NLRP8: variants seen among roughly 807,000 people sequenced by gnomAD.
NLRP8 encodes the protein NACHT, LRR and PYD domains-containing protein 8.
Under a neutral mutation model 88.7 loss-of-function variants are expected in NLRP8, and 86 were observed. That is an observed-to-expected ratio of 0.97 (90% confidence interval 0.81 to 1.16). The LOEUF is 1.16. Among genes scored for constraint, NLRP8 ranks in the 50% most tolerant of loss-of-function variants. The pLI is 0.00. For synonymous variants in NLRP8, 504 were observed against 494.6 expected (o/e 1.02, Z -0.25); for missense variants, 1,342 against 1,286.5 (o/e 1.04, Z -0.66).
intron 5 of NLRP8, among the ~76,000 whole-genome samples, chr19:55,968,352 T>G (rs1289902822): frequency 6.6e-6 from 1 of 151,982 alleles, no homozygotes; most frequent in Non-Finnish European, 1.5e-5. Flanking sequence ...GGCAGGAGAA[T>G]TGCTTGAACC....
At chr19:55,982,840 G>C (rs555131921) in intron 9 of NLRP8, among the ~76,000 whole-genome samples, 114 of 152,232 alleles carry the variant, frequency 7.5e-4, no homozygotes, top group African/African-American at 2.6e-3. Context: ...CAGCTATTTG[G>C]GGGGCTGAAG....
At position 55,970,641 on chromosome 19, in the gene NLRP8, T is replaced by A; in HGVS notation, c.2479T>A (p.Ser827Thr). Residue 827 changes from serine (S) to threonine (T), a missense_variant, in exon 6 of 10, where the codon TCC (serine) becomes ACC (threonine). Ser to Thr is a moderately conservative substitution (Grantham distance 58). Coordinates refer to ENST00000291971, the MANE Select transcript of NLRP8 (RefSeq NM_176811.2). ...AAAGACTCTCATACTAAGAAAAAAC[T>A]CCCTGGAGAACTGTGGGGCGTATTA... The A allele has an allele frequency of 6.2e-7, 1 of 1,613,994 alleles. No homozygotes were observed. Among genetic ancestry groups the A allele is most frequent in the Non-Finnish European group, 8.5e-7 (1 of 1,179,992 alleles).
chr19:55,987,017 A>C (rs1980876668), intron 9 of NLRP8, among the ~76,000 whole-genome samples: 1 of 152,138 alleles, frequency 6.6e-6, no homozygotes, highest in African/African-American at 2.4e-5. Flanking sequence ...CTAAAACCTC[A>C]TATTTACTTG....
Position 55,984,656 on chromosome 19 carries a change from A to G in NLRP8, c.3048-3158A>G, listed in dbSNP as rs78509487. Among the ~76,000 whole-genome samples, 193 of 116,280 alleles carry G rather than the reference A, an allele frequency of 1.7e-3. 1 individual carries two copies. Among genetic ancestry groups the G allele is most frequent in the South Asian group, 4.3e-3 (16 of 3,744 alleles). The allele number at this position is 116,280 out of a possible 152,430, so 76.3% of individuals were successfully genotyped here. ...GCAACAAAAGCAAAACACTGTCTCCAAAAAAAAAAAAAAAAAAACAACAGT... is the reference window on the plus strand; with the variant it reads ...GCAACAAAAGCAAAACACTGTCTCCGAAAAAAAAAAAAAAAAAACAACAGT... On this transcript the variant is annotated intron_variant, in intron 9 of 9. Coordinates refer to ENST00000291971, the MANE Select transcript of NLRP8 (RefSeq NM_176811.2).
At position 55,955,123 on chromosome 19, in the gene NLRP8, G is replaced by C; in HGVS notation, c.1065G>C (p.Pro355=). ...AATGTCCCTCTCTCGTAACCCTTCC[G>C]GGGTTTAATACGATGGAAAAAATCA... The change falls in exon 3 of 10, where the codon CCG becomes CCC. Residue 355 remains proline, a synonymous_variant. Coordinates refer to ENST00000291971, the MANE Select transcript of NLRP8 (RefSeq NM_176811.2). The C allele has an allele frequency of 6.2e-7, 1 of 1,614,014 alleles. No individual in the cohort carries two copies. The highest frequency in any genetic ancestry group is 1.1e-5 in the South Asian group (1 of 91,064).
chr19:55,955,102 T>C lies in NLRP8; in HGVS notation c.1044T>C (p.Cys348=), dbSNP rs1429249262. ...AGACATGCAAGCCCTTGCTGAAATG[T>C]CCCTCTCTCGTAACCCTTCCGGGGT... Residue 348 remains cysteine, a synonymous_variant, in exon 3 of 10, where the codon TGT becomes TGC. Transcript: ENST00000291971. 6.2e-7 allele frequency: 1 copy of C among 1,614,000 alleles called. No individual in the cohort carries two copies. The highest frequency in any genetic ancestry group is 1.3e-5 in the African/African-American group (1 of 74,916).
intron 5 of NLRP8, 39 bp from the exon 6 acceptor site, chr19:55,970,505 C>A: frequency 6.2e-7 from 1 of 1,608,570 alleles, no homozygotes; most frequent in South Asian, 1.1e-5. Context: ...ACCATTTTCC[C>A]CAGAACCATG....
chr19:55,983,321 G>T (rs537963863), intron 9 of NLRP8, among the ~76,000 whole-genome samples: 3 of 151,610 alleles, frequency 2.0e-5, no homozygotes, highest in Non-Finnish European at 4.4e-5. Context: ...AAAATTAGCC[G>T]GGCGTGGTGG....
At chr19:55,953,190 G>C (rs766427923) in intron 2 of NLRP8, among the ~76,000 whole-genome samples, 1 of 152,070 alleles carries the variant, frequency 6.6e-6, no homozygotes, top group Non-Finnish European at 1.5e-5. Context: ...GTGCATGCGA[G>C]GGATCTAGGC....
At chr19:55,974,502 A>G (rs1334682769) in intron 7 of NLRP8, among the ~76,000 whole-genome samples, 1 of 151,918 alleles carries the variant, frequency 6.6e-6, no homozygotes, top group East Asian at 1.9e-4. Flanking sequence ...TAATCCCAGC[A>G]CTTTGGGAGT....
At chr19:55,983,232 G>C (rs1307591128) in intron 9 of NLRP8, among the ~76,000 whole-genome samples, 1 of 152,110 alleles carries the variant, frequency 6.6e-6, no homozygotes, top group Non-Finnish European at 1.5e-5. Context: ...GGGAAGCTGA[G>C]GCAGGTGGAT....
intron 1 of NLRP8, among the ~76,000 whole-genome samples, chr19:55,950,058 G>A (rs1192845624): frequency 6.6e-6 from 1 of 152,030 alleles, no homozygotes; most frequent in Non-Finnish European, 1.5e-5. Context: ...GTGACCCAGT[G>A]GTAGAGAAAA....
chr19:55,986,271 A>AAC (rs1016490683), intron 9 of NLRP8, among the ~76,000 whole-genome samples: 4 of 151,338 alleles, frequency 2.6e-5, no homozygotes, highest in African/African-American at 9.7e-5. Flanking sequence ...AAGGGCACCC[A>AAC]ACACACACTC....
At chr19:55,985,664 C>A (rs953643061) in intron 9 of NLRP8, among the ~76,000 whole-genome samples, 5 of 152,134 alleles carry the variant, frequency 3.3e-5, no homozygotes, top group African/African-American at 1.2e-4. Flanking sequence ...CCTTCATGAC[C>A]TAAGGAGAGA....
intron 8 of NLRP8, among the ~76,000 whole-genome samples, chr19:55,979,170 T>C (rs1980468430): frequency 6.6e-6 from 1 of 152,212 alleles, no homozygotes; most frequent in South Asian, 2.1e-4. Context: ...TCGAAAGATA[T>C]ACTTGGCTCA....
chr19:55,957,201 G>A (rs80071203), intron 3 of NLRP8, among the ~76,000 whole-genome samples: 17,569 of 152,202 alleles, frequency 0.12, 1,194 homozygotes, highest in South Asian at 0.18. Flanking sequence ...CAATACAGGA[G>A]CCACTGGCCA....
chr19:55,969,798 G>A (rs147891658), intron 5 of NLRP8, among the ~76,000 whole-genome samples: 7 of 152,202 alleles, frequency 4.6e-5, no homozygotes, highest in Non-Finnish European at 7.4e-5. Context: ...GATAATCTCC[G>A]CATTTCATTA....
chr19:55,964,090 C>T (rs972191451), intron 4 of NLRP8, among the ~76,000 whole-genome samples: 1 of 152,166 alleles, frequency 6.6e-6, no homozygotes, highest in African/African-American at 2.4e-5. Context: ...TTTTTAAGAT[C>T]CAAAAACCCG....
chr19:55,957,671 AATTATATATATATATATATAT>A lies in NLRP8; in HGVS notation c.2042+1574_2042+1594del, dbSNP rs1174677939. On this transcript the variant is annotated intron_variant, in intron 3 of 9. Coordinates refer to ENST00000291971, the MANE Select transcript of NLRP8 (RefSeq NM_176811.2). ...ACTATCTTAAAAAAGAAAAAATAAT[AATTATATATATATATATATAT>A]ATATATATATATATATATATATATA... Among the ~76,000 whole-genome samples, 50 of 55,362 alleles carry A rather than the reference AATTATATATATATATATATAT, an allele frequency of 9.0e-4. 3 individuals carry two copies. The highest frequency in any genetic ancestry group is 3.7e-3 in the African/African-American group (41 of 11,220). 36.3% of individuals were successfully genotyped at this position (55,362 alleles called of 152,430 possible). A position where few individuals can be genotyped will look rare whatever the true frequency, so the allele number is the denominator to read the frequency against.
Sources: gnomAD v4.1 joint callset for allele counts (sites outside exome capture counted in the v4.1 genomes callset) on GRCh38, gnomAD v4.1.1 for gene constraint, MANE v1.5 for transcripts, NCBI Gene and HGNC (gene_info 2026-07-23, HGNC 2026-07-21) for gene names.